The following CAMTA1 variants were observed in gnomAD, a reference collection of about 807,000 sequenced individuals.
CAMTA1 encodes calmodulin binding transcription activator 1.
In CAMTA1, 27 loss-of-function variants were observed where a neutral mutation model predicts 170.9. The ratio of observed to expected loss-of-function variants is 0.16; its 90% CI spans 0.12 to 0.22. CAMTA1 has a LOEUF of 0.22. Ranked by LOEUF, CAMTA1 falls within the 10% of genes least tolerant of loss-of-function variation. CAMTA1 has a pLI of 1.00. For synonymous variants in CAMTA1, 833 were observed against 891.5 expected (o/e 0.93, Z 1.17); for missense variants, 1,619 against 2,217.2 (o/e 0.73, Z 5.42).
At chr1:7,018,573 A>C (rs1700896963) in intron 3 of CAMTA1, among the ~76,000 whole-genome samples, 1 of 152,110 alleles carries the variant, frequency 6.6e-6, no homozygotes, top group Admixed American at 6.6e-5. Context: ...CCAAGTTTAC[A>C]CTGCCAATTA....
intron 5 of CAMTA1, among the ~76,000 whole-genome samples, chr1:7,313,767 T>G (rs1005670): frequency 0.41 from 62,543 of 151,976 alleles, 13,252 homozygotes; most frequent in Middle Eastern, 0.6. Context: ...CTTTATAAAT[T>G]TAACCTGATT....
At chr1:7,627,950 G>T (rs2095644345) in intron 6 of CAMTA1, among the ~76,000 whole-genome samples, 1 of 152,196 alleles carries the variant, frequency 6.6e-6, no homozygotes, top group African/African-American at 2.4e-5. Context: ...TTGTGTGGTG[G>T]AAAGAGTGAC....
chr1:6,814,039 A>C (rs1287916585), intron 1 of CAMTA1, among the ~76,000 whole-genome samples: 67 of 152,182 alleles, frequency 4.4e-4, no homozygotes, highest in Non-Finnish European at 1.5e-5. Context: ...ACATTGTATT[A>C]AGTATTACCA....
intron 3 of CAMTA1, among the ~76,000 whole-genome samples, chr1:6,828,384 C>T (rs531813265): frequency 1.8e-4 from 27 of 150,434 alleles, no homozygotes; most frequent in Admixed American, 1.2e-3. Context: ...CTCCGCCTCC[C>T]GGGTTCAAGC....
intron 5 of CAMTA1, among the ~76,000 whole-genome samples, chr1:7,451,198 G>T (rs1262574511): frequency 6.6e-6 from 1 of 152,180 alleles, no homozygotes; most frequent in Non-Finnish European, 1.5e-5. Context: ...ACAGCCATTT[G>T]CATGATGTTC....
In CAMTA1 at chr1:7,498,781, G is replaced by T. The variant is rs566985576; in HGVS notation, c.510+30880G>T. 7.2e-3 allele frequency among the ~76,000 whole-genome samples: 1,065 copies of T among 148,150 alleles called. 7 individuals are homozygous for T. Among genetic ancestry groups the T allele is most frequent in the Non-Finnish European group, 0.012 (774 of 65,980 alleles). On this transcript the variant is annotated intron_variant, in intron 6 of 22. Transcript: ENST00000303635. Reference sequence around the variant, plus strand: ...GATTGTGTGAGCCTGGTGTGCATGTGTATGTATGTGTGTGCATGTGTGTAC... The same window carrying T: ...GATTGTGTGAGCCTGGTGTGCATGTTTATGTATGTGTGTGCATGTGTGTAC...
At chr1:7,447,792 T>C (rs1293102156) in intron 5 of CAMTA1, among the ~76,000 whole-genome samples, 1 of 152,222 alleles carries the variant, frequency 6.6e-6, no homozygotes, top group Non-Finnish European at 1.5e-5. Context: ...TGCCTTCCTG[T>C]GCTGAGTGTG....
chr1:6,887,686 A>C lies in CAMTA1; in HGVS notation c.234+62476A>C. On this transcript the variant is annotated intron_variant, in intron 3 of 22. Coordinates refer to ENST00000303635, the MANE Select transcript of CAMTA1 (RefSeq NM_015215.4). The surrounding 1 kb of genome is among the most constrained non-coding windows in gnomAD (Gnocchi z 4.1). Reference sequence around the variant, plus strand: ...CCACACACTTGTTCATGGGCGCAGCAAAGAAGAGGGATCCACAGAGCTGGA... The same window carrying C: ...CCACACACTTGTTCATGGGCGCAGCCAAGAAGAGGGATCCACAGAGCTGGA... 1 of 1,535,366 alleles carries C rather than the reference A, an allele frequency of 6.5e-7. No homozygotes were observed. Among genetic ancestry groups the C allele is most frequent in the Non-Finnish European group, 8.7e-7 (1 of 1,146,664 alleles).
At chr1:7,613,540 G>A (rs191687611) in intron 6 of CAMTA1, among the ~76,000 whole-genome samples, 12 of 152,294 alleles carry the variant, frequency 7.9e-5, no homozygotes, top group East Asian at 5.8e-4. Context: ...CAGGACCTGC[G>A]GGAGTGTTTA....
intron 6 of CAMTA1, among the ~76,000 whole-genome samples, chr1:7,629,034 C>A (rs975107596): frequency 2.6e-5 from 4 of 152,176 alleles, no homozygotes; most frequent in African/African-American, 4.8e-5. Flanking sequence ...TGTGCCCCTG[C>A]GAAAGGCCCA....
At chr1:6,963,834 C>G (rs1691007371) in intron 3 of CAMTA1, among the ~76,000 whole-genome samples, 2 of 152,208 alleles carry the variant, frequency 1.3e-5, no homozygotes, top group Admixed American at 1.3e-4. Flanking sequence ...GAGCCCTGAC[C>G]CTAACAATGG....
intron 3 of CAMTA1, among the ~76,000 whole-genome samples, chr1:7,046,286 C>T (rs1223933542): frequency 6.6e-6 from 1 of 152,206 alleles, no homozygotes; most frequent in Non-Finnish European, 1.5e-5. Context: ...ACTTGGAGGG[C>T]ATTTGTTGAC....
intron 4 of CAMTA1, among the ~76,000 whole-genome samples, chr1:7,122,008 C>G (rs1644671570): frequency 6.6e-6 from 1 of 151,954 alleles, no homozygotes; most frequent in African/African-American, 2.4e-5. Flanking sequence ...TCCCTCAGGG[C>G]ATAGGAAAGG....
At chr1:6,912,592 G>C (rs775385612) in intron 3 of CAMTA1, among the ~76,000 whole-genome samples, 31 of 152,204 alleles carry the variant, frequency 2.0e-4, no homozygotes, top group Non-Finnish European at 4.1e-4. Flanking sequence ...TTAGATAACT[G>C]TCTGGCTTAG....
intron 1 of CAMTA1, among the ~76,000 whole-genome samples, chr1:6,817,089 G>A (rs1208959261): frequency 6.6e-6 from 1 of 152,128 alleles, no homozygotes; most frequent in Admixed American, 6.5e-5. Flanking sequence ...TTAGTGCCAA[G>A]TTCTTCCTGT....
At chr1:7,496,746 A>T (rs905885405) in intron 6 of CAMTA1, among the ~76,000 whole-genome samples, 2 of 151,924 alleles carry the variant, frequency 1.3e-5, no homozygotes, top group African/African-American at 2.4e-5. Flanking sequence ...CGTGTTGTTG[A>T]TCCCTCTGCC....
intron 5 of CAMTA1, among the ~76,000 whole-genome samples, chr1:7,312,210 C>T (rs1161890487): frequency 2.6e-5 from 4 of 152,078 alleles, no homozygotes; most frequent in Non-Finnish European, 5.9e-5. Context: ...AGAGAGTTTC[C>T]CTTCTTTCAT....
At chr1:7,261,953 T>C (rs1668239257) in intron 5 of CAMTA1, among the ~76,000 whole-genome samples, 1 of 152,066 alleles carries the variant, frequency 6.6e-6, no homozygotes, top group African/African-American at 2.4e-5. Flanking sequence ...CTCCTTGTTT[T>C]CCCCCAGATT....
intron 3 of CAMTA1, among the ~76,000 whole-genome samples, chr1:7,052,274 C>T (rs201156062): frequency 4.3e-5 from 6 of 139,808 alleles, no homozygotes; most frequent in South Asian, 2.3e-4. Flanking sequence ...TGTGGTGTTT[C>T]GTGTCGTTCT....
Sources: allele counts gnomAD v4.1 joint callset (sites outside exome capture counted in the v4.1 genomes callset), GRCh38; gene constraint gnomAD v4.1.1; non-coding constraint Gnocchi (gnomAD v3.1); transcripts MANE v1.5; gene names NCBI Gene and HGNC (gene_info 2026-07-23, HGNC 2026-07-21).